The following DHX29 variants were observed in gnomAD, a reference collection of about 807,000 sequenced individuals.
The protein encoded by DHX29 is ATP-dependent RNA helicase DHX29.
DHX29 carries 79 observed loss-of-function variants against 167.9 expected under a neutral mutation model. That is an observed-to-expected ratio of 0.47 (90% CI 0.39 to 0.57). The LOEUF (loss-of-function observed/expected upper bound fraction) is 0.57. DHX29 is among the 20% of genes least tolerant of loss of function. The pLI, the probability that DHX29 is intolerant of heterozygous loss-of-function variation, is 0.00. For missense variants in DHX29, 1,347 were observed against 1,593.4 expected (o/e 0.85, Z 2.63); for synonymous variants, 530 against 546.0 (o/e 0.97, Z 0.41).
Position 55,277,173 on chromosome 5 carries a change from T to A in DHX29, c.2219A>T (p.Glu740Val). The change falls in exon 13 of 27, where the codon GAA (glutamate) becomes GTA (valine). Residue 740 changes from glutamate to valine, a missense_variant. Around this residue, in one of 3 missense-constraint regions of DHX29, gnomAD observed 882 missense variants for 1,082.4 expected, o/e 0.81. Transcript: ENST00000251636. The part of the protein sequence containing the change: ...LILMSATVDS[E>V]KFSTYFTHCP... ...GTGTGTGAAATATGTAGAAAATTTT[T>A]CGCTGTCCACAGTGGCACTCATTAG... 1 of 1,613,084 alleles carries A rather than the reference T, an allele frequency of 6.2e-7. No homozygotes were observed. Among genetic ancestry groups the A allele is most frequent in the Non-Finnish European group, 8.5e-7 (1 of 1,179,322 alleles).
chr5:55,294,384 A>G (rs2111951721), intron 5 of DHX29, among the ~76,000 whole-genome samples: 1 of 152,304 alleles, frequency 6.6e-6, no homozygotes, highest in South Asian at 2.1e-4. Flanking sequence ...ACTGTTAAAA[A>G]CTAGTGTTGG....
In DHX29 at chr5:55,283,265, C is replaced by T. The variant is rs371345018; in HGVS notation, c.1903G>A (p.Ala635Thr). The change falls in exon 11 of 27, where the codon GCA becomes ACA. Residue 635 changes from alanine to threonine, a missense_variant. By Grantham distance (58) the Ala-to-Thr change is moderately conservative (BLOSUM62 0). Coordinates refer to ENST00000251636, the MANE Select transcript of DHX29 (RefSeq NM_019030.4). ...IVCTQPRRIS[A>T]VSLANRVCDE... is the part of the protein sequence containing the mutation. ...CATACTCTGTTGGCTAAACTAACTG[C>T]TGAGATTCTTCGGGGTTGGGTACAG... 328 of 1,613,074 alleles carry T rather than the reference C, an allele frequency of 2.0e-4. No homozygotes were observed. Among genetic ancestry groups the T allele is most frequent in the Non-Finnish European group, 2.5e-4 (295 of 1,179,322 alleles).
intron 18 of DHX29, among the ~76,000 whole-genome samples, chr5:55,271,504 G>A (rs1471205439): frequency 6.6e-6 from 1 of 152,206 alleles, no homozygotes; most frequent in African/African-American, 2.4e-5. Flanking sequence ...GTGGTGGCAT[G>A]TGCCTGTAAT....
chr5:55,263,282 G>A (rs2111791380), intron 23 of DHX29, among the ~76,000 whole-genome samples: 1 of 152,208 alleles, frequency 6.6e-6, no homozygotes, highest in East Asian at 1.9e-4. Flanking sequence ...GGTCAGCATT[G>A]AGAAAGAATT....
chr5:55,286,537 G>T (rs943281152), intron 8 of DHX29, among the ~76,000 whole-genome samples: 2 of 152,094 alleles, frequency 1.3e-5, no homozygotes, highest in Non-Finnish European at 2.9e-5. Context: ...GTCTGCCACC[G>T]GCACCAGCAC....
At chr5:55,273,538 T>A in intron 16 of DHX29, 161 bp from the exon 17 acceptor site, 5 of 797,044 alleles carry the variant, frequency 6.3e-6, no homozygotes, top group Non-Finnish European at 8.6e-6. Context: ...TGAAACCTCA[T>A]ATACATGCAT....
At chr5:55,267,974 CTAAT>C (rs1746666889) in intron 21 of DHX29, 152 bp from the exon 22 acceptor site, 7 of 379,210 alleles carry the variant, frequency 1.8e-5, no homozygotes, top group Admixed American at 1.4e-4. Flanking sequence ...TATTATTATA[CTAAT>C]TAATGTTTAA....
At chr5:55,267,963 GTATT>G in intron 21 of DHX29, 141 bp from the exon 22 acceptor site, 2 of 399,186 alleles carry the variant, frequency 5.0e-6, no homozygotes, top group Non-Finnish European at 8.5e-6. Flanking sequence ...ATGTTTATTA[GTATT>G]ATTATACTAA....
At position 55,272,243 on chromosome 5, in the gene DHX29, T is replaced by G. The variant is rs1746890228; in HGVS notation, c.2776-68A>C. 4.9e-6 allele frequency: 5 copies of G among 1,013,028 alleles called. No homozygotes were observed. In the African/African-American group the frequency reaches 6.8e-5, roughly 14 times the overall value. The allele number at this position is 1,013,028 out of a possible 1,614,324, so 62.8% of individuals were successfully genotyped here. A position where few individuals can be genotyped will look rare whatever the true frequency, so the allele number is the denominator to read the frequency against. ...TGAATGTATCATTATTTAAATTTCT[T>G]TAGTTTGAGCTGATGAAATTTAAAA... On this transcript the variant is annotated intron_variant, in intron 17 of 26. Transcript: ENST00000251636.
At chr5:55,262,129 A>T (rs2111785930) in intron 24 of DHX29, among the ~76,000 whole-genome samples, 1 of 152,334 alleles carries the variant, frequency 6.6e-6, no homozygotes. Context: ...TATGTTAAAA[A>T]ATAAGAAAAT....
intron 26 of DHX29, 123 bp downstream of exon 26, chr5:55,259,724 TG>T: frequency 1.9e-6 from 1 of 523,194 alleles, no homozygotes; most frequent in Non-Finnish European, 3.5e-6. Context: ...CCAGAAGTGC[TG>T]GGATTATGGG....
At chr5:55,293,663 T>C (rs1748162228) in intron 6 of DHX29, among the ~76,000 whole-genome samples, 2 of 152,228 alleles carry the variant, frequency 1.3e-5, no homozygotes, top group South Asian at 2.1e-4. Context: ...TTCTGCCTTA[T>C]ATTTCTATCT....
At chr5:55,276,190 A>G (rs1264828512) in intron 14 of DHX29, 76 bp downstream of exon 14, 1 of 1,266,182 alleles carries the variant, frequency 7.9e-7, no homozygotes, top group Non-Finnish European at 1.1e-6. Flanking sequence ...TGTTAACCAC[A>G]TGATTTTGAA....
At chr5:55,286,556 A>G (rs1400117595) in intron 8 of DHX29, among the ~76,000 whole-genome samples, 1 of 152,180 alleles carries the variant, frequency 6.6e-6, no homozygotes, top group African/African-American at 2.4e-5. Flanking sequence ...ACTACCCTCA[A>G]CAGCTTCCTG....
At chr5:55,290,753 G>A (rs760639063) in intron 6 of DHX29, among the ~76,000 whole-genome samples, 5 of 152,218 alleles carry the variant, frequency 3.3e-5, no homozygotes, top group Admixed American at 6.5e-5. Flanking sequence ...GGTGGCTCAC[G>A]CCTATAATCC....
intron 4 of DHX29, among the ~76,000 whole-genome samples, 173 bp from the exon 5 acceptor site, chr5:55,295,697 C>T (rs1748286407): frequency 6.6e-6 from 1 of 152,154 alleles, no homozygotes; most frequent in Admixed American, 6.5e-5. Flanking sequence ...ATCCGTCAAC[C>T]TAGAAGTGAA....
At chr5:55,304,841 G>A (rs916725766) in intron 1 of DHX29, among the ~76,000 whole-genome samples, 2 of 152,136 alleles carry the variant, frequency 1.3e-5, no homozygotes, top group Admixed American at 6.5e-5. Context: ...AAGTAGAGTA[G>A]AACCATTACA....
rs148015249 is a variant in DHX29 at position 55,271,064 on chromosome 5, C to T, written c.2865-358G>A. On this transcript the variant is annotated intron_variant, in intron 18 of 26. Coordinates refer to ENST00000251636, the MANE Select transcript of DHX29 (RefSeq NM_019030.4). Reference sequence around the variant, plus strand: ...ACATTACAATTCAACATACCTTTCACGATACAGTTAAACCCTGAAAACATT... The same window carrying T: ...ACATTACAATTCAACATACCTTTCATGATACAGTTAAACCCTGAAAACATT... Among the ~76,000 whole-genome samples the T allele has an allele frequency of 2.8e-3, 431 of 152,216 alleles. 1 individual carries two copies. The highest frequency in any genetic ancestry group is 9.9e-3 in the African/African-American group (412 of 41,532).
chr5:55,271,993 T>C lies in DHX29; in HGVS notation c.2864+94A>G, dbSNP rs1374570591. The C allele has an allele frequency of 1.1e-5, 8 of 706,410 alleles. No individual in the cohort carries two copies. The East Asian group carries it at 2.3e-4, about 21-fold the overall frequency. 43.8% of individuals were successfully genotyped at this position (706,410 alleles called of 1,614,324 possible). On this transcript the variant is annotated intron_variant, in intron 18 of 26. Transcript: ENST00000251636. ...GGACAGAACTAGGACATTTAGGATT[T>C]TCCCTAAATAATTTTAGGATTTCTC...
Sources: gnomAD v4.1 joint callset for allele counts (sites outside exome capture counted in the v4.1 genomes callset) on GRCh38, gnomAD v4.1.1 for gene constraint, gnomAD v4.1.1 regional missense constraint, MANE v1.5 for transcripts, NCBI Gene and HGNC (gene_info 2026-07-23, HGNC 2026-07-21) for gene names.